Variants in SSH2 observed in about 807,000 individuals in gnomAD.
SSH2 encodes the protein slingshot protein phosphatase 2, also known as protein phosphatase Slingshot homolog 2.
In SSH2, 37 loss-of-function variants were observed where a neutral mutation model predicts 135.2. That is an observed-to-expected ratio of 0.27 (90% confidence interval 0.21 to 0.36). The LOEUF (loss-of-function observed/expected upper bound fraction) is 0.36, where lower values mean the gene tolerates loss of function less well. Among genes scored for constraint, SSH2 ranks in the 10% least tolerant of loss-of-function variants. The pLI, the probability that SSH2 is intolerant of heterozygous loss-of-function variation, is 1.00. For missense variants in SSH2, 1,408 were observed against 1,765.3 expected (o/e 0.80, Z 3.63); for synonymous variants, 628 against 646.2 (o/e 0.97, Z 0.43).
intron 3 of SSH2, chr17:29,793,628 C>A: frequency 3.3e-6 from 1 of 307,096 alleles, no homozygotes; most frequent in Admixed American, 4.9e-5. Context: ...AGCATTCGCT[C>A]TTACTCTTTT....
In SSH2 at chr17:29,641,978, T is replaced by G. The variant is rs144927120; in HGVS notation, c.1428-5176A>C. 3.8e-3 allele frequency among the ~76,000 whole-genome samples: 568 copies of G among 150,056 alleles called. 4 individuals carry two copies. Among genetic ancestry groups the G allele is most frequent in the African/African-American group, 0.013 (529 of 40,622 alleles). On this transcript the variant is annotated intron_variant, in intron 14 of 15. Transcript: ENST00000540801. ...TTTAAAAAAAGAGGGCCAGGAGTTA[T>G]AGTAAAATCAGGCTGCCTATAGTTA...
chr17:29,709,015 T>TATATATATATATATATATATAGAG (rs780981175), intron 3 of SSH2, among the ~76,000 whole-genome samples: 2 of 81,588 alleles, frequency 2.5e-5, no homozygotes, highest in Admixed American at 1.6e-4. Flanking sequence ...TATATATATA[T>TATATATATATATATATATATAGAG]AGAGAGAGAG....
rs1476288080 is a variant in SSH2, at chr17:29,672,896, G to A, written c.615-767C>T. On this transcript the variant is annotated intron_variant, in intron 8 of 15. Transcript: ENST00000540801. ...TGATTTTTGTATTTTTAGTCGAGAC[G>A]GGTTTTTGCCATGTTGGTCAGGCTG... is the stretch of plus-strand genomic sequence containing the variant. Among the ~76,000 whole-genome samples the A allele has an allele frequency of 4.6e-5, 7 of 152,070 alleles. No homozygotes were observed. In the East Asian group the frequency reaches 7.8e-4, roughly 17 times the overall value.
intron 4 of SSH2, among the ~76,000 whole-genome samples, chr17:29,702,124 G>A (rs982595959): frequency 1.3e-5 from 2 of 151,912 alleles, no homozygotes; most frequent in Admixed American, 6.6e-5. Flanking sequence ...TAACTGAGGT[G>A]GGTGGATCAC....
chr17:29,921,895 T>C (rs979744653), intron 1 of SSH2, among the ~76,000 whole-genome samples: 9 of 152,140 alleles, frequency 5.9e-5, no homozygotes, highest in African/African-American at 1.7e-4. Flanking sequence ...AATATGTAAA[T>C]GACCCAGTCC....
intron 4 of SSH2, among the ~76,000 whole-genome samples, chr17:29,696,697 A>G (rs1407452679): frequency 3.7e-5 from 5 of 134,794 alleles, no homozygotes; most frequent in African/African-American, 8.7e-5. Flanking sequence ...GTGTGTGTGT[A>G]TTTTTTGAGA....
chr17:29,805,938 C>G, intron 2 of SSH2, among the ~76,000 whole-genome samples: 1 of 151,812 alleles, frequency 6.6e-6, no homozygotes, highest in Non-Finnish European at 1.5e-5. Context: ...GCTAAGCATA[C>G]AGAAGATGCT....
chr17:29,698,428 C>A (rs546643803), intron 4 of SSH2, among the ~76,000 whole-genome samples: 1 of 152,124 alleles, frequency 6.6e-6, no homozygotes, highest in Non-Finnish European at 1.5e-5. Context: ...TAGGTATAAA[C>A]AGTGAAAAGC....
chr17:29,666,263 A>G (rs2037270523), intron 11 of SSH2, among the ~76,000 whole-genome samples: 1 of 152,098 alleles, frequency 6.6e-6, no homozygotes, highest in South Asian at 2.1e-4. Context: ...GGTCCCAGCT[A>G]CTCAGGAGGC....
At chr17:29,805,733 C>T (rs2042333937) in intron 2 of SSH2, among the ~76,000 whole-genome samples, 2 of 151,984 alleles carry the variant, frequency 1.3e-5, no homozygotes, top group Non-Finnish European at 2.9e-5. Flanking sequence ...GCAGTTAAGA[C>T]TGAAAACCTT....
At chr17:29,859,483 T>C (rs550218872) in intron 1 of SSH2, among the ~76,000 whole-genome samples, 7 of 152,302 alleles carry the variant, frequency 4.6e-5, no homozygotes, top group Non-Finnish European at 1.0e-4. Flanking sequence ...GGTGTCTGTG[T>C]TCCCCTCTAT....
intron 3 of SSH2, among the ~76,000 whole-genome samples, chr17:29,733,787 C>A (rs1435870437): frequency 6.6e-6 from 1 of 151,972 alleles, no homozygotes; most frequent in Non-Finnish European, 1.5e-5. Flanking sequence ...ATTAAAAACA[C>A]TATTTAATGA....
chr17:29,850,662 T>C (rs988849073), intron 1 of SSH2, among the ~76,000 whole-genome samples: 1 of 152,192 alleles, frequency 6.6e-6, no homozygotes, highest in African/African-American at 2.4e-5. Flanking sequence ...CTTCCTCTTT[T>C]AGAAAATAAT....
intron 3 of SSH2, among the ~76,000 whole-genome samples, chr17:29,718,517 C>CTT (rs2039703955): frequency 6.6e-6 from 1 of 152,022 alleles, no homozygotes; most frequent in South Asian, 2.1e-4. Context: ...CTTAGGATCT[C>CTT]TTAAGAGGCT....
chr17:29,751,042 A>G (rs140137853), intron 3 of SSH2, among the ~76,000 whole-genome samples: 1 of 152,162 alleles, frequency 6.6e-6, no homozygotes, highest in Non-Finnish European at 1.5e-5. Context: ...ATCTCCTATG[A>G]TAACAATGCC....
At chr17:29,759,964 A>G (rs1288906639) in intron 3 of SSH2, among the ~76,000 whole-genome samples, 2 of 152,200 alleles carry the variant, frequency 1.3e-5, no homozygotes, top group Non-Finnish European at 2.9e-5. Context: ...AATGCAAGTC[A>G]GTTTATTTAA....
At chr17:29,694,253 TG>T (rs1168237431) in intron 5 of SSH2, among the ~76,000 whole-genome samples, 1 of 152,216 alleles carries the variant, frequency 6.6e-6, no homozygotes, top group Non-Finnish European at 1.5e-5. Flanking sequence ...GAATATTGAA[TG>T]GGTAGAAATA....
At chr17:29,694,440 G>A (rs959885579) in intron 5 of SSH2, among the ~76,000 whole-genome samples, 2 of 152,204 alleles carry the variant, frequency 1.3e-5, no homozygotes, top group Non-Finnish European at 2.9e-5. Context: ...GGAGGCCAAG[G>A]TGGGTGGATC....
intron 1 of SSH2, among the ~76,000 whole-genome samples, chr17:29,900,842 C>T (rs556088551): frequency 2.2e-4 from 33 of 152,134 alleles, no homozygotes; most frequent in Middle Eastern, 3.4e-3. Context: ...ATGTTCATTG[C>T]GGCACTATTC....
Sources: gnomAD v4.1 joint callset for allele counts (sites outside exome capture counted in the v4.1 genomes callset) on GRCh38, gnomAD v4.1.1 for gene constraint, MANE v1.5 for transcripts, NCBI Gene and HGNC (gene_info 2026-07-23, HGNC 2026-07-21) for gene names.